Variants in RNF17 observed in about 807,000 individuals in gnomAD.
RNF17 encodes spermatogenesis associated 23.
RNF17 carries 31 observed loss-of-function variants against 200.5 expected under a neutral mutation model. The ratio of observed to expected loss-of-function variants is 0.15; its 90% CI spans 0.12 to 0.21. The LOEUF is 0.21. RNF17 is among the 10% of genes least tolerant of loss of function. The pLI is 1.00. For missense variants in RNF17, 1,628 were observed against 1,905.1 expected (o/e 0.85, Z 2.71); for synonymous variants, 606 against 637.8 (o/e 0.95, Z 0.75).
chr13:24,759,839 A>G (rs1427234210), upstream of RNF17, among the ~76,000 whole-genome samples: 1 of 152,206 alleles, frequency 6.6e-6, no homozygotes, highest in South Asian at 2.1e-4. Flanking sequence ...ATTGGTTTCT[A>G]TAAGAATAAA....
intron 22 of RNF17, among the ~76,000 whole-genome samples, chr13:24,845,853 A>G (rs1215736369): frequency 6.6e-6 from 1 of 152,150 alleles, no homozygotes; most frequent in Non-Finnish European, 1.5e-5. Flanking sequence ...ATAACCCCAC[A>G]CTGAGAAGAA....
the RNF17 span, among the ~76,000 whole-genome samples, chr13:24,755,212 T>C: frequency 6.6e-6 from 1 of 152,222 alleles, no homozygotes; most frequent in Non-Finnish European, 1.5e-5. Flanking sequence ...TTTTCATTTT[T>C]GTTTGTTTGG....
intron 1 of RNF17, among the ~76,000 whole-genome samples, chr13:24,766,525 T>C (rs1879720006): frequency 6.6e-6 from 1 of 152,272 alleles, no homozygotes; most frequent in Admixed American, 6.5e-5. Context: ...ATCTGGCTTC[T>C]GGCCTTGCCA....
intron 15 of RNF17, among the ~76,000 whole-genome samples, chr13:24,812,414 G>T (rs1221449600): frequency 1.3e-5 from 2 of 151,956 alleles, no homozygotes; most frequent in Admixed American, 1.3e-4. Context: ...TCCAGGTGCC[G>T]TCTGTCACCC....
At chr13:24,859,217 AATAGTCTTG>A in intron 26 of RNF17, 53 bp downstream of exon 26, 4 of 1,345,286 alleles carry the variant, frequency 3.0e-6, no homozygotes, top group African/African-American at 1.4e-5. Flanking sequence ...TATAGCATTA[AATAGTCTTG>A]TGCATTTGAA....
chr13:24,871,129 A>G (rs1339336474), intron 32 of RNF17, among the ~76,000 whole-genome samples: 1 of 152,242 alleles, frequency 6.6e-6, no homozygotes, highest in Non-Finnish European at 1.5e-5. Context: ...GGAGGCTCAA[A>G]GTATGACCTG....
At chr13:24,864,475 AC>A (rs1315337393) in intron 28 of RNF17, among the ~76,000 whole-genome samples, 2 of 152,154 alleles carry the variant, frequency 1.3e-5, no homozygotes, top group Non-Finnish European at 2.9e-5. Context: ...CTGCTTTTAG[AC>A]TGTTTCGAGT....
chr13:24,828,925 C>T (rs1329728570), intron 16 of RNF17, among the ~76,000 whole-genome samples: 1 of 152,016 alleles, frequency 6.6e-6, no homozygotes, highest in Non-Finnish European at 1.5e-5. Context: ...CCTCCCACCT[C>T]AGCCCCCAGA....
At chr13:24,784,768 G>A (rs914032920) in intron 6 of RNF17, among the ~76,000 whole-genome samples, 15 of 151,812 alleles carry the variant, frequency 9.9e-5, no homozygotes, top group South Asian at 8.3e-4. Context: ...GTGCAGTGGC[G>A]CGACCTCGGC....
the RNF17 span, among the ~76,000 whole-genome samples, chr13:24,888,490 C>G: frequency 6.6e-6 from 1 of 152,286 alleles, no homozygotes; most frequent in South Asian, 2.1e-4. Context: ...CTCACGGAAT[C>G]AACCACCATT....
intron 2 of RNF17, among the ~76,000 whole-genome samples, chr13:24,773,013 C>T (rs117079957): frequency 2.3e-3 from 354 of 152,220 alleles, no homozygotes; most frequent in Admixed American, 4.5e-3. Context: ...CAATGAGATA[C>T]CATCTCACAT....
intron 18 of RNF17, 24 bp downstream of exon 18, chr13:24,832,002 T>C: frequency 7.0e-7 from 1 of 1,437,644 alleles, no homozygotes. Context: ...TTACTTGTTA[T>C]GTAATCACAT....
intron 18 of RNF17, among the ~76,000 whole-genome samples, chr13:24,839,138 A>G (rs561318272): frequency 6.6e-6 from 1 of 152,316 alleles, no homozygotes; most frequent in African/African-American, 2.4e-5. Context: ...CTCTAGAAGG[A>G]AAACTACAAA....
At chr13:24,825,811 A>C (rs1593356091) in intron 16 of RNF17, 39 bp downstream of exon 16, 1 of 1,578,420 alleles carries the variant, frequency 6.3e-7, no homozygotes, top group Non-Finnish European at 8.6e-7. Flanking sequence ...GAGATGTCAT[A>C]CTTCAAAACT....
At chr13:24,821,870 T>A (rs1315121158) in intron 15 of RNF17, among the ~76,000 whole-genome samples, 1 of 152,198 alleles carries the variant, frequency 6.6e-6, no homozygotes, top group Non-Finnish European at 1.5e-5. Context: ...CAGAAAATAA[T>A]GAAGCCGTTT....
At chr13:24,823,993 A>G (rs553920300) in intron 15 of RNF17, among the ~76,000 whole-genome samples, 19 of 152,308 alleles carry the variant, frequency 1.2e-4, no homozygotes, top group African/African-American at 4.6e-4. Flanking sequence ...AGTAATTTGC[A>G]TATAAGTTCT....
At chr13:24,761,759 C>T (rs1241996501), upstream of RNF17, among the ~76,000 whole-genome samples, 1 of 152,186 alleles carries the variant, frequency 6.6e-6, no homozygotes, top group Non-Finnish European at 1.5e-5. Context: ...TTTGAGGGTT[C>T]TTGGTAAGTG....
At chr13:24,796,950 A>G (rs532265216) in intron 11 of RNF17, among the ~76,000 whole-genome samples, 2 of 152,312 alleles carry the variant, frequency 1.3e-5, no homozygotes, top group African/African-American at 4.8e-5. Flanking sequence ...TTATCTGTCT[A>G]GTCTTGATTG....
At chr13:24,879,346 A>G in intron 35 of RNF17, 51 bp downstream of exon 35, 1 of 1,190,338 alleles carries the variant, frequency 8.4e-7, no homozygotes, top group Non-Finnish European at 1.2e-6. Flanking sequence ...GTGGAGATGA[A>G]TGCTAGATTG....
Sources: allele counts gnomAD v4.1 joint callset (sites outside exome capture counted in the v4.1 genomes callset), GRCh38; gene constraint gnomAD v4.1.1; transcripts MANE v1.5; gene names NCBI Gene and HGNC (gene_info 2026-07-23, HGNC 2026-07-21).